Variants in SPRED1 observed in about 807,000 individuals in gnomAD.
The protein encoded by SPRED1 is sprouty related EVH1 domain containing 1.
Under a neutral mutation model 52.3 loss-of-function variants are expected in SPRED1, and 18 were observed. The ratio of observed to expected loss-of-function variants is 0.34; its 90% confidence interval spans 0.24 to 0.51. The LOEUF (loss-of-function observed/expected upper bound fraction) is 0.51. SPRED1 is among the 20% of genes least tolerant of loss of function. The pLI is 0.97. For missense variants in SPRED1, 485 were observed against 551.0 expected (o/e 0.88, Z 1.20); for synonymous variants, 155 against 179.7 (o/e 0.86, Z 1.10).
intron 5 of SPRED1, 38 bp downstream of exon 5, chr15:38,339,933 A>T: frequency 6.2e-7 from 1 of 1,612,810 alleles, no homozygotes; most frequent in Non-Finnish European, 8.5e-7. Context: ...CGTTGTTTAT[A>T]TGTGTAGAAA....
rs776485386 is a variant in SPRED1, at chr15:38,351,813, G to A, written c.*149G>A. 46 of 982,998 alleles carry A rather than the reference G, an allele frequency of 4.7e-5. No homozygotes were observed. Among genetic ancestry groups the A allele is most frequent in the Admixed American group, 1.1e-4 (5 of 44,410 alleles). 60.9% of individuals were successfully genotyped at this position (982,998 alleles called of 1,614,324 possible). On this transcript the variant is annotated 3_prime_UTR_variant, in exon 7 of 7. Coordinates refer to ENST00000299084, the MANE Select transcript of SPRED1 (RefSeq NM_152594.3). ...GAAGCAGAACTCATCAGTTCTTGGC[G>A]TTTCACGCCATGCCTAACTTTTCCC... is the stretch of plus-strand genomic sequence containing the variant.
chr15:38,338,515 A>G (rs1158554385), intron 4 of SPRED1, among the ~76,000 whole-genome samples: 1 of 152,124 alleles, frequency 6.6e-6, no homozygotes, highest in Non-Finnish European at 1.5e-5. Context: ...GTCACAACAC[A>G]TTGGGACAGC....
Position 38,281,559 on chromosome 15 carries a change from A to ATTTTTTTT in SPRED1, c.33-17797_33-17790dup, listed in dbSNP as rs542005244. Among the ~76,000 whole-genome samples the ATTTTTTTT allele has an allele frequency of 1.9e-4, 19 of 100,742 alleles. 1 individual carries two copies. Among genetic ancestry groups the ATTTTTTTT allele is most frequent in the African/African-American group, 4.3e-4 (11 of 25,350 alleles). 66.1% of individuals were successfully genotyped at this position (100,742 alleles called of 152,430 possible). ...AGGTGTGTGCCACCATGCCCATCTA[A>ATTTTTTTT]TTTTTTTTTTTTTTTTTTTTTTTTG... is the stretch of plus-strand genomic sequence containing the variant. On this transcript the variant is annotated intron_variant, in intron 1 of 6. Coordinates refer to ENST00000299084, the MANE Select transcript of SPRED1 (RefSeq NM_152594.3).
intron 4 of SPRED1, among the ~76,000 whole-genome samples, chr15:38,327,984 C>G (rs1306560478): frequency 3.3e-5 from 5 of 152,094 alleles, no homozygotes; most frequent in Non-Finnish European, 7.4e-5. Flanking sequence ...TCATGATGTT[C>G]TAAAGGTTTA....
At chr15:38,348,836 G>T (rs1049647493) in intron 5 of SPRED1, among the ~76,000 whole-genome samples, 3 of 151,972 alleles carry the variant, frequency 2.0e-5, no homozygotes, top group African/African-American at 7.2e-5. Flanking sequence ...TCTGAAATGG[G>T]CTTTGCAATT....
chr15:38,336,177 C>A (rs1265896190), intron 4 of SPRED1, among the ~76,000 whole-genome samples: 1 of 151,670 alleles, frequency 6.6e-6, no homozygotes, highest in African/African-American at 2.4e-5. Flanking sequence ...ACTTTATGGG[C>A]ATATCATAAT....
At position 38,355,613 on chromosome 15, in the gene SPRED1, T is replaced by C. The variant is rs1172515436; in HGVS notation, c.*3949T>C. The C allele has an allele frequency of 6.6e-6, 1 of 152,230 alleles. No homozygotes were observed. Among genetic ancestry groups the C allele is most frequent in the Non-Finnish European group, 1.5e-5 (1 of 68,030 alleles). 9.4% of individuals were successfully genotyped at this position (152,230 alleles called of 1,614,324 possible). ...GATTTTGTGATTACACTTGGAAGTA[T>C]GTGTTAAATTGGGTTTTTAATTGTA... is the stretch of plus-strand genomic sequence containing the variant. On this transcript the variant is annotated 3_prime_UTR_variant, in exon 7 of 7. Coordinates refer to ENST00000299084, the MANE Select transcript of SPRED1 (RefSeq NM_152594.3).
intron 5 of SPRED1, among the ~76,000 whole-genome samples, chr15:38,340,563 C>T (rs867947655): frequency 2.0e-5 from 3 of 151,760 alleles, no homozygotes; most frequent in East Asian, 1.9e-4. Flanking sequence ...GACAGAGTCT[C>T]GCTCTGTCGC....
At chr15:38,345,061 G>A (rs960070415) in intron 5 of SPRED1, among the ~76,000 whole-genome samples, 5 of 152,184 alleles carry the variant, frequency 3.3e-5, no homozygotes, top group African/African-American at 1.2e-4. Context: ...TGTTAGGATA[G>A]TGTAGCAGTT....
Position 38,349,281 on chromosome 15 carries a change from A to G in SPRED1, c.583-141A>G, listed in dbSNP as rs535098540. On this transcript the variant is annotated intron_variant, in intron 5 of 6. Transcript: ENST00000299084. ...TTTTGTTTGTGTTTTAGGTGGGGGG[A>G]AATGATTCTATTTTTATTCTCAAAA... is the stretch of plus-strand genomic sequence containing the variant. 1.8e-5 allele frequency: 11 copies of G among 625,832 alleles called. No homozygotes were observed. In the East Asian group the frequency reaches 3.3e-4, roughly 19 times the overall value. 38.8% of individuals were successfully genotyped at this position (625,832 alleles called of 1,614,324 possible).
In SPRED1 at chr15:38,355,825, TA is replaced by T. The variant is rs1213292792; in HGVS notation, c.*4164del. 1 of 152,084 alleles carries T rather than the reference TA, an allele frequency of 6.6e-6. No homozygotes were observed. The highest frequency in any genetic ancestry group is 1.5e-5 in the Non-Finnish European group (1 of 68,004). 9.4% of individuals were successfully genotyped at this position (152,084 alleles called of 1,614,324 possible). ...ATTATTGTTGCACTAAAAAAGTCTA[TA>T]AATCATAATAGCACCATGAGGTGTT... On this transcript the variant is annotated 3_prime_UTR_variant, in exon 7 of 7. Coordinates refer to ENST00000299084, the MANE Select transcript of SPRED1 (RefSeq NM_152594.3).
intron 5 of SPRED1, among the ~76,000 whole-genome samples, chr15:38,348,595 T>A (rs181383816): frequency 3.3e-5 from 5 of 152,280 alleles, no homozygotes; most frequent in African/African-American, 4.8e-5. Flanking sequence ...CATGTATTAC[T>A]ATTTATTTTC....
intron 3 of SPRED1, among the ~76,000 whole-genome samples, chr15:38,323,926 T>G (rs759892858): frequency 2.0e-5 from 3 of 152,218 alleles, no homozygotes; most frequent in Non-Finnish European, 4.4e-5. Context: ...AAATGATTTA[T>G]AAGGAGTAGC....
intron 1 of SPRED1, among the ~76,000 whole-genome samples, chr15:38,290,678 A>C (rs1386512056): frequency 6.6e-6 from 1 of 152,172 alleles, no homozygotes; most frequent in African/African-American, 2.4e-5. Flanking sequence ...GCAGCAAAAG[A>C]AAAATGAGGA....
chr15:38,281,950 G>A (rs1894700133), intron 1 of SPRED1, among the ~76,000 whole-genome samples: 1 of 152,082 alleles, frequency 6.6e-6, no homozygotes, highest in Admixed American at 6.5e-5. Context: ...AGCTCTTACA[G>A]GGTAAAGCCG....
intron 1 of SPRED1, among the ~76,000 whole-genome samples, chr15:38,258,590 A>G (rs1341745995): frequency 6.6e-6 from 1 of 152,178 alleles, no homozygotes; most frequent in Non-Finnish European, 1.5e-5. Context: ...GCCCTCTAGA[A>G]AAGAAGTATT....
chr15:38,288,658 A>G (rs762331708), intron 1 of SPRED1, among the ~76,000 whole-genome samples: 1 of 152,192 alleles, frequency 6.6e-6, no homozygotes, highest in Non-Finnish European at 1.5e-5. Context: ...CAAAAATACT[A>G]TCATTGCAAT....
At chr15:38,306,369 A>G (rs1172145058) in intron 2 of SPRED1, among the ~76,000 whole-genome samples, 1 of 152,202 alleles carries the variant, frequency 6.6e-6, no homozygotes, top group Non-Finnish European at 1.5e-5. Context: ...TCAGAAAACA[A>G]TAATGGCAGG....
chr15:38,325,058 G>A (rs776019239), intron 4 of SPRED1, among the ~76,000 whole-genome samples: 8 of 152,114 alleles, frequency 5.3e-5, no homozygotes, highest in African/African-American at 1.9e-4. Context: ...AGCTGGTCTC[G>A]AACTCCTGGG....
Sources: allele counts gnomAD v4.1 joint callset (sites outside exome capture counted in the v4.1 genomes callset), GRCh38; gene constraint gnomAD v4.1.1; transcripts MANE v1.5; gene names NCBI Gene and HGNC (gene_info 2026-07-23, HGNC 2026-07-21).